Variants in POLGARF observed in about 807,000 individuals in gnomAD.
The protein encoded by POLGARF is POLG alternative reading frame.
the POLGARF span, chr15:89,332,952 CAG>C: frequency 4.6e-6 from 5 of 1,082,628 alleles, no homozygotes; most frequent in South Asian, 7.5e-5. Context: ...CCCACATAAA[CAG>C]GGGTCTAGTC....
the POLGARF span, among the ~76,000 whole-genome samples, chr15:89,330,990 C>G: frequency 2.0e-5 from 3 of 152,152 alleles, no homozygotes; most frequent in African/African-American, 7.2e-5. Flanking sequence ...TCAAGATCCA[C>G]AAGGCTAGGT....
chr15:89,331,219 G>C, the POLGARF span, among the ~76,000 whole-genome samples: 1 of 152,172 alleles, frequency 6.6e-6, no homozygotes, highest in African/African-American at 2.4e-5. Flanking sequence ...AGCAAAAAGA[G>C]GTTCCTAGTT....
chr15:89,332,706 C>T, the POLGARF span, among the ~76,000 whole-genome samples: 86,680 of 151,884 alleles, frequency 0.57, 26,300 homozygotes, highest in African/African-American at 0.8. Flanking sequence ...AGCTTTCTAC[C>T]GCCCAAAATA....
chr15:89,333,564 G>A, the POLGARF span: 7 of 1,611,054 alleles, frequency 4.3e-6, no homozygotes, highest in Non-Finnish European at 5.9e-6. Context: ...CCCGCCCTCC[G>A]AGGATAGCAC....
the POLGARF span, chr15:89,333,127 TG>T: frequency 6.6e-7 from 1 of 1,525,046 alleles, no homozygotes; most frequent in Non-Finnish European, 8.8e-7. Context: ...ACCGCCAATG[TG>T]GGGCAAGTTC....
the POLGARF span, chr15:89,333,008 T>G: frequency 6.7e-7 from 1 of 1,483,664 alleles, no homozygotes; most frequent in Non-Finnish European, 9.0e-7. Context: ...ACCCAGCCCG[T>G]AACAGGACCT....
chr15:89,333,313 G>A, the POLGARF span: 3 of 1,557,274 alleles, frequency 1.9e-6, no homozygotes, highest in East Asian at 2.4e-5. Context: ...AGGTAGGGCA[G>A]GCTCTGCTTC....
chr15:89,333,389 G>A, the POLGARF span: 1 of 1,588,120 alleles, frequency 6.3e-7, no homozygotes, highest in African/African-American at 1.3e-5. Flanking sequence ...GCAGCTCCAC[G>A]TCGGGCAAGG....
At chr15:89,333,679 C>T in the POLGARF span, 1 of 1,549,056 alleles carries the variant, frequency 6.5e-7, no homozygotes, top group Non-Finnish European at 8.7e-7. Flanking sequence ...GAGCTGGAGA[C>T]CCAGCGCCCC....
At chr15:89,330,381 G>C in the POLGARF span, 5 of 894,276 alleles carry the variant, frequency 5.6e-6, no homozygotes, top group East Asian at 1.3e-4. Flanking sequence ...TGCATTGGCA[G>C]CTGGGGACAC....
the POLGARF span, among the ~76,000 whole-genome samples, chr15:89,330,995 C>CT: frequency 6.6e-6 from 1 of 152,158 alleles, no homozygotes; most frequent in Non-Finnish European, 1.5e-5. Flanking sequence ...ATCCACAAGG[C>CT]TAGGTGTAGG....
chr15:89,333,672 C>G, the POLGARF span: 2 of 1,557,418 alleles, frequency 1.3e-6, no homozygotes, highest in Non-Finnish European at 1.7e-6. Context: ...GGGGACGGAG[C>G]TGGAGACCCA....
chr15:89,333,027 G>A, the POLGARF span: 7 of 1,488,568 alleles, frequency 4.7e-6, no homozygotes, highest in African/African-American at 2.8e-5. Context: ...CTCAGAAAAT[G>A]TTCACTGAAA....
chr15:89,332,450 GA>G, the POLGARF span: 1 of 152,166 alleles, frequency 6.6e-6, no homozygotes, highest in African/African-American at 2.4e-5. Context: ...GTAGCACTTA[GA>G]AAGTTATTTA....
At chr15:89,332,613 C>CCG in the POLGARF span, among the ~76,000 whole-genome samples, 1 of 60,434 alleles carries the variant, frequency 1.7e-5, no homozygotes, top group Non-Finnish European at 2.9e-5. Context: ...GGCAGGGGGG[C>CCG]GGGGGGGTGT....
the POLGARF span, among the ~76,000 whole-genome samples, chr15:89,331,347 G>A: frequency 6.6e-6 from 1 of 151,196 alleles, no homozygotes; most frequent in African/African-American, 2.4e-5. Context: ...AAACAACGCA[G>A]ACAAAAAGGC....
chr15:89,332,556 C>A, the POLGARF span, among the ~76,000 whole-genome samples: 2 of 131,550 alleles, frequency 1.5e-5, no homozygotes, highest in Non-Finnish European at 3.0e-5. Context: ...TAGGGGTGGT[C>A]AACCAGATGC....
the POLGARF span, among the ~76,000 whole-genome samples, chr15:89,330,600 G>C: frequency 6.6e-6 from 1 of 152,202 alleles, no homozygotes; most frequent in Non-Finnish European, 1.5e-5. Flanking sequence ...CACTGAGTCT[G>C]CATCTAGCTC....
the POLGARF span, among the ~76,000 whole-genome samples, chr15:89,330,795 A>G: frequency 6.6e-6 from 1 of 152,042 alleles, no homozygotes; most frequent in Non-Finnish European, 1.5e-5. Context: ...TCACGGCTGA[A>G]AAGATTCTGG....
Sources: allele counts gnomAD v4.1 joint callset (sites outside exome capture counted in the v4.1 genomes callset), GRCh38; gene constraint gnomAD v4.1.1; transcripts MANE v1.5; gene names NCBI Gene and HGNC (gene_info 2026-07-23, HGNC 2026-07-21).